Variants in REDIC1 observed in about 807,000 individuals in gnomAD.
REDIC1 encodes the protein HEI10 Interacting Protein 1.
chr12:39,675,150 G>A, the REDIC1 span, among the ~76,000 whole-genome samples: 1 of 152,200 alleles, frequency 6.6e-6, no homozygotes, highest in East Asian at 1.9e-4. Context: ...CCTATCACCG[G>A]AGGCTTTCTC....
the REDIC1 span, among the ~76,000 whole-genome samples, chr12:39,828,712 GTT>G: frequency 0.68 from 101,176 of 149,754 alleles, 34,557 homozygotes; most frequent in African/African-American, 0.79. Context: ...TAGTAACTTA[GTT>G]TTTTTTTTTT....
chr12:39,745,027 T>G, the REDIC1 span, among the ~76,000 whole-genome samples: 1 of 152,202 alleles, frequency 6.6e-6, no homozygotes, highest in African/African-American at 2.4e-5. Flanking sequence ...AAAACTAAGC[T>G]GAACTAGCTA....
the REDIC1 span, among the ~76,000 whole-genome samples, chr12:39,649,479 C>T: frequency 0.45 from 67,828 of 151,214 alleles, 16,153 homozygotes; most frequent in Non-Finnish European, 0.51. Flanking sequence ...CTGTCACTCT[C>T]TCTTAGATGT....
chr12:39,673,768 T>C, the REDIC1 span, among the ~76,000 whole-genome samples: 1 of 152,228 alleles, frequency 6.6e-6, no homozygotes, highest in South Asian at 2.1e-4. Context: ...TCATGTGATC[T>C]GGTAGTATTT....
chr12:39,740,926 T>C, the REDIC1 span, among the ~76,000 whole-genome samples: 3 of 152,136 alleles, frequency 2.0e-5, no homozygotes, highest in Non-Finnish European at 4.4e-5. Context: ...ATTTTAAAAC[T>C]TAATGTAATA....
At chr12:39,810,176 C>T in the REDIC1 span, among the ~76,000 whole-genome samples, 6 of 152,134 alleles carry the variant, frequency 3.9e-5, no homozygotes, top group South Asian at 2.1e-4. Context: ...TTCTTATCCA[C>T]GAGTGTGATC....
At chr12:39,782,502 C>G in the REDIC1 span, among the ~76,000 whole-genome samples, 1 of 152,132 alleles carries the variant, frequency 6.6e-6, no homozygotes, top group Admixed American at 6.5e-5. Context: ...TGAGGCCTCC[C>G]CAGCCATGTG....
At chr12:39,665,848 G>A in the REDIC1 span, among the ~76,000 whole-genome samples, 1 of 152,068 alleles carries the variant, frequency 6.6e-6, no homozygotes, top group Non-Finnish European at 1.5e-5. Context: ...GTGAATGGGA[G>A]TTCACTCATG....
chr12:39,864,547 C>A, the REDIC1 span, among the ~76,000 whole-genome samples: 1 of 152,038 alleles, frequency 6.6e-6, no homozygotes, highest in South Asian at 2.1e-4. Flanking sequence ...GTCTAACAAC[C>A]CACTCTCTCC....
the REDIC1 span, among the ~76,000 whole-genome samples, chr12:39,840,969 C>A: frequency 6.6e-6 from 1 of 152,094 alleles, no homozygotes. Flanking sequence ...CCATTTCAGT[C>A]CATGAAGATA....
the REDIC1 span, among the ~76,000 whole-genome samples, chr12:39,875,620 G>A: frequency 1.2e-4 from 18 of 152,224 alleles, no homozygotes; most frequent in Non-Finnish European, 2.6e-4. Context: ...TGAGAAGGAA[G>A]GAATGAAAGA....
the REDIC1 span, among the ~76,000 whole-genome samples, chr12:39,796,338 C>T: frequency 2.0e-5 from 3 of 151,404 alleles, no homozygotes; most frequent in Non-Finnish European, 2.9e-5. Flanking sequence ...GCCTGTAATC[C>T]CAGCTACTTG....
the REDIC1 span, chr12:39,646,944 A>G: frequency 8.9e-7 from 1 of 1,127,716 alleles, no homozygotes; most frequent in Non-Finnish European, 1.3e-6. Flanking sequence ...TATGCTACCT[A>G]ATGATCTAAA....
At chr12:39,722,320 G>T in the REDIC1 span, among the ~76,000 whole-genome samples, 9 of 152,226 alleles carry the variant, frequency 5.9e-5, no homozygotes, top group South Asian at 1.9e-3. Context: ...AGCACAATAA[G>T]CTCCTAAGTA....
the REDIC1 span, among the ~76,000 whole-genome samples, chr12:39,736,290 A>G: frequency 5.9e-5 from 9 of 152,162 alleles, no homozygotes; most frequent in African/African-American, 1.7e-4. Flanking sequence ...TCCCTTTTCA[A>G]TGGGAAAGTC....
chr12:39,720,405 C>T, the REDIC1 span, among the ~76,000 whole-genome samples: 1 of 151,972 alleles, frequency 6.6e-6, no homozygotes, highest in Non-Finnish European at 1.5e-5. Flanking sequence ...GGTACTTCTT[C>T]TAGTCTACTC....
chr12:39,633,266 C>T, the REDIC1 span, among the ~76,000 whole-genome samples: 5 of 152,116 alleles, frequency 3.3e-5, no homozygotes, highest in Admixed American at 6.5e-5. Flanking sequence ...ATTTTTCAAA[C>T]GTTTTTATTA....
At chr12:39,698,245 C>T in the REDIC1 span, among the ~76,000 whole-genome samples, 1 of 152,090 alleles carries the variant, frequency 6.6e-6, no homozygotes, top group Non-Finnish European at 1.5e-5. Flanking sequence ...GGTAGTTAGG[C>T]CATGAGTGCT....
the REDIC1 span, among the ~76,000 whole-genome samples, chr12:39,695,617 T>C: frequency 6.6e-6 from 1 of 152,172 alleles, no homozygotes; most frequent in Non-Finnish European, 1.5e-5. Flanking sequence ...TTTTTTATTG[T>C]AGTCCCTGAC....
Sources: allele counts gnomAD v4.1 joint callset (sites outside exome capture counted in the v4.1 genomes callset), GRCh38; gene constraint gnomAD v4.1.1; transcripts MANE v1.5; gene names NCBI Gene and HGNC (gene_info 2026-07-23, HGNC 2026-07-21).